GGT1: variants seen among roughly 807,000 people sequenced by gnomAD.
GGT1 encodes gamma-glutamyltransferase 1.
GGT1 carries 21 observed loss-of-function variants against 56.0 expected under a neutral mutation model. The ratio of observed to expected loss-of-function variants is 0.38; its 90% CI spans 0.27 to 0.54. GGT1 has a LOEUF of 0.54. Ranked by LOEUF, GGT1 falls within the 20% of genes least tolerant of loss-of-function variation. The probability of loss-of-function intolerance (pLI) is 0.82; values close to 1 mark genes in which losing one functional copy is unlikely to be tolerated. For missense variants in GGT1, 466 were observed against 787.0 expected (o/e 0.59, Z 4.88); for synonymous variants, 238 against 342.6 (o/e 0.69, Z 3.37).
chr22:24,622,039 C>CAAA (rs1057143634), intron 9 of GGT1, among the ~76,000 whole-genome samples: 15 of 105,784 alleles, frequency 1.4e-4, no homozygotes, highest in African/African-American at 4.9e-4. Flanking sequence ...GATTCCATCT[C>CAAA]AAAAAAAAAA....
At chr22:24,614,204 C>T (rs1006653377) in intron 5 of GGT1, among the ~76,000 whole-genome samples, 1 of 151,660 alleles carries the variant, frequency 6.6e-6, no homozygotes, top group Non-Finnish European at 1.5e-5. Context: ...ACAAAATTGG[C>T]TGGGCATGGT....
intron 1 of GGT1, among the ~76,000 whole-genome samples, chr22:24,607,237 T>C (rs1016478844): frequency 9.2e-5 from 14 of 151,866 alleles, no homozygotes; most frequent in Non-Finnish European, 1.6e-4. Context: ...CCCCAGGCCA[T>C]GTTCCCGGAA....
upstream of GGT1, chr22:24,590,013 A>AGATGG: frequency 2.0e-6 from 3 of 1,478,828 alleles, no homozygotes; most frequent in Middle Eastern, 3.6e-4. Flanking sequence ...GCACCACCCC[A>AGATGG]GCCAGCCAGA....
intron 1 of GGT1, among the ~76,000 whole-genome samples, chr22:24,603,759 G>A (rs1363562520): frequency 1.3e-5 from 2 of 151,902 alleles, no homozygotes; most frequent in African/African-American, 2.4e-5. Context: ...AGCCCTGAGT[G>A]GGGGCGGGGG....
At chr22:24,611,773 TTG>T (rs57600451) in intron 5 of GGT1, among the ~76,000 whole-genome samples, 9,623 of 130,708 alleles carry the variant, frequency 0.074, 296 homozygotes, top group South Asian at 0.12. Flanking sequence ...CCCAACAAAT[TTG>T]TGTGTGTGTG....
Position 24,623,209 on chromosome 22 carries a change from C to G in GGT1, c.836C>G (p.Ala279Gly). ...GACGTGGTGCTGTACATGCCCAGTG[C>G]GCCGCTCAGCGGGCCCGTGCTGGCC... is the stretch of plus-strand genomic sequence containing the variant. ...LGDVVLYMPS[A>G]PLSGPVLALI... is the part of the protein sequence containing the mutation. The change falls in exon 10 of 16, where the codon GCG becomes GGG. Residue 279 changes from alanine (A) to glycine (G), a missense_variant. Ala to Gly is a moderately conservative substitution (Grantham distance 60). This residue lies in a region of GGT1 where 456 missense variants were observed against 716.7 expected (regional missense o/e 0.64). Transcript: ENST00000400382. 4 of 1,599,932 alleles carry G rather than the reference C, an allele frequency of 2.5e-6. No individual in the cohort carries two copies. In the South Asian group the frequency reaches 3.3e-5, roughly 13 times the overall value.
the GGT1 span, chr22:24,589,317 C>T: frequency 1.7e-6 from 2 of 1,186,004 alleles, no homozygotes; most frequent in Non-Finnish European, 2.1e-6. Context: ...AGGAGGAGGG[C>T]CTTGCTTATG....
chr22:24,609,943 C>T (rs777996130), intron 2 of GGT1, 22 bp from the exon 3 acceptor site: 23 of 464,804 alleles, frequency 4.9e-5, no homozygotes, highest in Middle Eastern at 7.1e-4. Flanking sequence ...CTAACCTACT[C>T]TATTCACAAC....
chr22:24,591,006 C>T (rs958768039), upstream of GGT1, among the ~76,000 whole-genome samples: 9 of 152,242 alleles, frequency 5.9e-5, no homozygotes, highest in African/African-American at 2.2e-4. Flanking sequence ...CTGCCCTGGC[C>T]TTCCTGCCTC....
intron 1 of GGT1, among the ~76,000 whole-genome samples, chr22:24,595,261 C>T (rs2045672914): frequency 6.6e-6 from 1 of 152,210 alleles, no homozygotes; most frequent in South Asian, 2.1e-4. Flanking sequence ...GGGCTTTTCT[C>T]TGCCTGCTTG....
At chr22:24,584,544 G>T in the GGT1 span, among the ~76,000 whole-genome samples, 1 of 152,184 alleles carries the variant, frequency 6.6e-6, no homozygotes, top group Non-Finnish European at 1.5e-5. Context: ...GACTGGGAAT[G>T]TGCTGGAATC....
At chr22:24,611,581 TCTATCTATCTATCTATCTA>T (rs1397488406) in intron 5 of GGT1, among the ~76,000 whole-genome samples, 6 of 149,068 alleles carry the variant, frequency 4.0e-5, no homozygotes, top group Admixed American at 6.7e-5. Flanking sequence ...TATCTATCTA[TCTATCTATCTATCTATCTA>T]CTATCTATCT....
chr22:24,596,021 TGGA>T (rs1194591895), intron 1 of GGT1, among the ~76,000 whole-genome samples: 1 of 152,208 alleles, frequency 6.6e-6, no homozygotes, highest in Non-Finnish European at 1.5e-5. Flanking sequence ...GGATACTCTA[TGGA>T]GACAGAATGT....
chr22:24,623,132 G>A lies in GGT1; in HGVS notation c.759G>A (p.Leu253=). The part of the protein sequence containing the change: ...AAGGIVTAED[L]NNYRAELIEH... ...GGGGCATTGTGACAGCTGAGGACCT[G>A]AACAACTACCGTGCTGAGCTGATCG... The change falls in exon 10 of 16, where the codon CTG becomes CTA. Residue 253 remains leucine, a synonymous_variant. Transcript: ENST00000400382. 1 of 1,611,596 alleles carries A rather than the reference G, an allele frequency of 6.2e-7. No individual in the cohort carries two copies. The highest frequency in any genetic ancestry group is 1.3e-5 in the African/African-American group (1 of 74,932).
At chr22:24,619,577 C>T (rs1231334214) in intron 7 of GGT1, among the ~76,000 whole-genome samples, 1 of 61,080 alleles carries the variant, frequency 1.6e-5, no homozygotes, top group African/African-American at 7.6e-5. Context: ...TCAAAACAGA[C>T]AAACAAACAA....
chr22:24,604,372 T>C (rs1438429228), intron 1 of GGT1, among the ~76,000 whole-genome samples: 1 of 152,176 alleles, frequency 6.6e-6, no homozygotes, highest in Non-Finnish European at 1.5e-5. Context: ...CAAGCTGGGT[T>C]GAAGGATTAA....
chr22:24,609,359 T>C (rs2046520269), intron 2 of GGT1: 1 of 152,442 alleles, frequency 6.6e-6, no homozygotes, highest in Non-Finnish European at 1.5e-5. Flanking sequence ...GTGCTGGGGA[T>C]GTGGGGTGGT....
chr22:24,623,845 G>C lies in GGT1; in HGVS notation c.949G>C (p.Val317Leu), dbSNP rs757411384. The C allele has an allele frequency of 6.2e-7, 1 of 1,611,802 alleles. No individual in the cohort carries two copies. The highest frequency in any genetic ancestry group is 1.3e-5 in the African/African-American group (1 of 74,826). ...EQKGLTYHRI[V>L]EAFRFAYAKR... ...GAAGGGCCTGACGTACCACCGCATC[G>C]TAGAGGCTTTCCGGTTTGCCTACGC... The change falls in exon 11 of 16, where the codon GTA (valine) becomes CTA (leucine). Residue 317 changes from valine to leucine, a missense_variant. Around this residue, in one of 2 missense-constraint regions of GGT1, gnomAD observed 456 missense variants for 716.7 expected, o/e 0.64. Coordinates refer to ENST00000400382, the MANE Select transcript of GGT1 (RefSeq NM_001288833.2).
chr22:24,608,148 G>A (rs1885804155), intron 2 of GGT1, 125 bp downstream of exon 2: 1 of 341,634 alleles, frequency 2.9e-6, no homozygotes, highest in African/African-American at 2.2e-5. Context: ...TGAGAACCAG[G>A]CCTCTGGGCT....
Sources: gnomAD v4.1 joint callset for allele counts (sites outside exome capture counted in the v4.1 genomes callset) on GRCh38, gnomAD v4.1.1 for gene constraint, gnomAD v4.1.1 regional missense constraint, MANE v1.5 for transcripts, NCBI Gene and HGNC (gene_info 2026-07-23, HGNC 2026-07-21) for gene names.